FAM227B: variants seen among roughly 807,000 people sequenced by gnomAD.
The protein encoded by FAM227B is family with sequence similarity 227 member B.
In FAM227B, 88 loss-of-function variants were observed where a neutral mutation model predicts 73.8. That is an observed-to-expected ratio of 1.19 (90% CI 1.00 to 1.42). The LOEUF (loss-of-function observed/expected upper bound fraction) is 1.42, where lower values mean the gene tolerates loss of function less well. FAM227B is among the 40% of genes most tolerant of loss of function. The probability of loss-of-function intolerance (pLI) is 0.00; values close to 1 mark genes in which losing one functional copy is unlikely to be tolerated. For synonymous variants in FAM227B, 210 were observed against 190.5 expected (o/e 1.10, Z -0.84); for missense variants, 632 against 590.9 (o/e 1.07, Z -0.72).
At chr15:49,359,908 C>A (rs1221578866) in intron 13 of FAM227B, among the ~76,000 whole-genome samples, 1 of 148,158 alleles carries the variant, frequency 6.7e-6, no homozygotes, top group East Asian at 2.0e-4. Context: ...ACTACGCAGC[C>A]ATAAAAAATT....
At chr15:49,358,056 A>G (rs1052472474) in intron 13 of FAM227B, among the ~76,000 whole-genome samples, 8 of 152,114 alleles carry the variant, frequency 5.3e-5, no homozygotes, top group Admixed American at 1.3e-4. Flanking sequence ...GCTAAAAGCT[A>G]TCAATAAATT....
At chr15:49,445,658 T>C (rs192899134) in intron 11 of FAM227B, among the ~76,000 whole-genome samples, 77 of 151,722 alleles carry the variant, frequency 5.1e-4, no homozygotes, top group African/African-American at 1.8e-3. Context: ...ACAATTATTA[T>C]GTCAATTGAA....
rs185016880 is a variant in FAM227B, at chr15:49,418,738, A to C, written c.1013-47339T>G. ...CACTGAACCCTTGTGACATGAGTTT[A>C]CCTGTATAACAAATCTGCACATGTA... is the stretch of plus-strand genomic sequence containing the variant. On this transcript the variant is annotated intron_variant, in intron 11 of 15. Coordinates refer to ENST00000299338, the MANE Select transcript of FAM227B (RefSeq NM_152647.3). 2.3e-3 allele frequency among the ~76,000 whole-genome samples: 350 copies of C among 152,222 alleles called. 1 individual carries two copies. Among genetic ancestry groups the C allele is most frequent in the Non-Finnish European group, 3.7e-3 (252 of 68,014 alleles).
At chr15:49,603,846 G>A (rs2153314148) in intron 3 of FAM227B, among the ~76,000 whole-genome samples, 1 of 152,136 alleles carries the variant, frequency 6.6e-6, no homozygotes, top group South Asian at 2.1e-4. Context: ...CCAGTTTTTT[G>A]AGGATTTTTA....
chr15:49,615,418 G>A (rs879874673), intron 1 of FAM227B, among the ~76,000 whole-genome samples, 175 bp from the exon 2 acceptor site: 1 of 152,174 alleles, frequency 6.6e-6, no homozygotes, highest in Non-Finnish European at 1.5e-5. Flanking sequence ...GTGGGGCCTG[G>A]TGGGAGGTGA....
intron 15 of FAM227B, chr15:49,329,193 TAATG>T (rs2038111461): frequency 1.0e-6 from 1 of 986,574 alleles, no homozygotes; most frequent in Non-Finnish European, 1.2e-6. Flanking sequence ...TGAAAAGACT[TAATG>T]AATTCTGGGA....
At chr15:49,376,253 T>C (rs2046156339) in intron 11 of FAM227B, among the ~76,000 whole-genome samples, 1 of 152,142 alleles carries the variant, frequency 6.6e-6, no homozygotes, top group Non-Finnish European at 1.5e-5. Flanking sequence ...TTTATATTTT[T>C]AGCTATTATA....
chr15:49,437,958 C>T (rs945354820), intron 11 of FAM227B, among the ~76,000 whole-genome samples: 20 of 151,574 alleles, frequency 1.3e-4, no homozygotes, highest in African/African-American at 3.9e-4. Flanking sequence ...TCTCAAAGAG[C>T]AGGTGGGAGT....
intron 4 of FAM227B, 65 bp downstream of exon 4, chr15:49,589,711 G>C (rs2152407543): frequency 9.6e-7 from 1 of 1,046,592 alleles, no homozygotes; most frequent in Non-Finnish European, 1.4e-6. Context: ...CCAAGATTTG[G>C]AGACCAGCCT....
chr15:49,610,399 C>A (rs1260030667), intron 3 of FAM227B, among the ~76,000 whole-genome samples: 1 of 141,120 alleles, frequency 7.1e-6, no homozygotes, highest in Non-Finnish European at 1.5e-5. Context: ...TGAGCGCAAT[C>A]CTTTCCCAAA....
chr15:49,509,946 G>A (rs1435297522), intron 10 of FAM227B, among the ~76,000 whole-genome samples: 1 of 151,996 alleles, frequency 6.6e-6, no homozygotes, highest in Non-Finnish European at 1.5e-5. Flanking sequence ...ACAATTTAAA[G>A]AGTGAAATTA....
chr15:49,414,560 C>T (rs1320736400), intron 11 of FAM227B, among the ~76,000 whole-genome samples: 2 of 152,194 alleles, frequency 1.3e-5, no homozygotes, highest in East Asian at 3.9e-4. Flanking sequence ...TTACTGATGA[C>T]TTTGGGGCAG....
At chr15:49,534,978 A>T (rs189600137) in intron 10 of FAM227B, among the ~76,000 whole-genome samples, 253 of 151,868 alleles carry the variant, frequency 1.7e-3, no homozygotes, top group African/African-American at 5.7e-3. Flanking sequence ...ACGAATGCCT[A>T]TATGAAAAAA....
At chr15:49,581,616 T>C (rs557907270) in intron 5 of FAM227B, among the ~76,000 whole-genome samples, 1 of 152,264 alleles carries the variant, frequency 6.6e-6, no homozygotes, top group African/African-American at 2.4e-5. Context: ...CGTACCCAGA[T>C]GTATTCAGTA....
intron 8 of FAM227B, chr15:49,574,750 T>C (rs2075341239): frequency 5.2e-6 from 1 of 192,550 alleles, no homozygotes; most frequent in African/African-American, 2.3e-5. Context: ...TCTAATTATA[T>C]AATATGTGAT....
At chr15:49,585,558 T>C (rs1161017660) in intron 5 of FAM227B, among the ~76,000 whole-genome samples, 1 of 152,162 alleles carries the variant, frequency 6.6e-6, no homozygotes, top group African/African-American at 2.4e-5. Flanking sequence ...TGGATGAAGA[T>C]GGAAACCATC....
chr15:49,356,428 G>A (rs1477941112), intron 13 of FAM227B, among the ~76,000 whole-genome samples: 1 of 150,906 alleles, frequency 6.6e-6, no homozygotes, highest in African/African-American at 2.4e-5. Context: ...GGCAGGGGTT[G>A]CAATCCCAGT....
intron 11 of FAM227B, among the ~76,000 whole-genome samples, chr15:49,471,638 A>G (rs1342772056): frequency 6.6e-6 from 1 of 152,108 alleles, no homozygotes; most frequent in African/African-American, 2.4e-5. Context: ...ATGGAAAGTT[A>G]TGATTTTCTA....
chr15:49,495,322 T>A (rs1452415170), intron 11 of FAM227B, among the ~76,000 whole-genome samples: 2 of 152,174 alleles, frequency 1.3e-5, no homozygotes, highest in East Asian at 1.9e-4. Context: ...ATTCTCCAAA[T>A]AATGATGAAA....
Sources: gnomAD v4.1 joint callset for allele counts (sites outside exome capture counted in the v4.1 genomes callset) on GRCh38, gnomAD v4.1.1 for gene constraint, MANE v1.5 for transcripts, NCBI Gene and HGNC (gene_info 2026-07-23, HGNC 2026-07-21) for gene names.